Variants in C12orf42 observed in about 807,000 individuals in gnomAD.
C12orf42 encodes the protein chromosome 12 open reading frame 42.
Under a neutral mutation model 21.6 loss-of-function variants are expected in C12orf42, and 25 were observed. The ratio of observed to expected loss-of-function variants is 1.16; its 90% CI spans 0.84 to 1.62. C12orf42 has a LOEUF of 1.62. Ranked by LOEUF, C12orf42 falls within the 40% of genes most tolerant of loss-of-function variation. C12orf42 has a pLI of 0.00. For missense variants in C12orf42, 483 were observed against 459.3 expected (o/e 1.05, Z -0.47); for synonymous variants, 174 against 175.0 (o/e 0.99, Z 0.05).
At chr12:103,374,115 T>C (rs979513677) in intron 3 of C12orf42, among the ~76,000 whole-genome samples, 3 of 152,210 alleles carry the variant, frequency 2.0e-5, no homozygotes, top group Admixed American at 2.0e-4. Flanking sequence ...TTAGTCACTC[T>C]CTTACACTAA....
At chr12:103,254,917 A>G (rs2034483851) in intron 10 of C12orf42, among the ~76,000 whole-genome samples, 1 of 152,222 alleles carries the variant, frequency 6.6e-6, no homozygotes, top group African/African-American at 2.4e-5. Flanking sequence ...CCATAACTTA[A>G]AATAGAAATT....
chr12:103,098,552 T>C, the C12orf42 span, among the ~76,000 whole-genome samples: 5 of 152,340 alleles, frequency 3.3e-5, no homozygotes, highest in South Asian at 1.0e-3. Flanking sequence ...ATCTGGGAAC[T>C]TCTTTGGAAA....
intron 4 of C12orf42, among the ~76,000 whole-genome samples, chr12:103,285,019 T>C (rs2036357513): frequency 6.6e-6 from 1 of 152,212 alleles, no homozygotes; most frequent in Admixed American, 6.5e-5. Flanking sequence ...CTAGGATCAA[T>C]GCTCAAAGCA....
intron 1 of C12orf42, among the ~76,000 whole-genome samples, chr12:103,492,068 C>T (rs1343535678): frequency 1.3e-5 from 2 of 152,104 alleles, no homozygotes; most frequent in Non-Finnish European, 2.9e-5. Context: ...GTGATTCTCA[C>T]GCTTCAGCCT....
intron 2 of C12orf42, among the ~76,000 whole-genome samples, chr12:103,455,305 G>T (rs1007453090): frequency 2.0e-5 from 3 of 152,114 alleles, no homozygotes; most frequent in Admixed American, 2.0e-4. Flanking sequence ...TCTGAGATTT[G>T]TATAAAGTTT....
intron 1 of C12orf42, among the ~76,000 whole-genome samples, chr12:103,481,541 G>C (rs1183114004): frequency 6.6e-6 from 1 of 151,524 alleles, no homozygotes; most frequent in African/African-American, 2.4e-5. Flanking sequence ...TATTTTTGTG[G>C]GCTACAATTT....
At chr12:103,309,045 A>G (rs1412948327) in intron 4 of C12orf42, among the ~76,000 whole-genome samples, 1 of 152,186 alleles carries the variant, frequency 6.6e-6, no homozygotes, top group Non-Finnish European at 1.5e-5. Flanking sequence ...TTAAATTTGG[A>G]TCTCTGGTCT....
intron 2 of C12orf42, 62 bp from the exon 3 acceptor site, chr12:103,401,737 C>T: frequency 6.7e-7 from 1 of 1,493,072 alleles, no homozygotes; most frequent in Non-Finnish European, 9.3e-7. Context: ...GAAACATTTC[C>T]ATTCCTGAGA....
At chr12:103,179,150 C>T in the C12orf42 span, among the ~76,000 whole-genome samples, 1 of 152,196 alleles carries the variant, frequency 6.6e-6, no homozygotes, top group Non-Finnish European at 1.5e-5. Context: ...AAGGGTGTTT[C>T]AGTTTACTTC....
At chr12:103,294,428 G>GAGAGAGAAAGAAAGAA (rs754499754) in intron 4 of C12orf42, among the ~76,000 whole-genome samples, 1 of 96,020 alleles carries the variant, frequency 1.0e-5, no homozygotes, top group Admixed American at 1.2e-4. Flanking sequence ...AAAGGAGAGA[G>GAGAGAGAAAGAAAGAA]AGAAAGAAAG....
the C12orf42 span, among the ~76,000 whole-genome samples, chr12:103,093,091 C>G: frequency 9.2e-5 from 14 of 152,318 alleles, no homozygotes; most frequent in African/African-American, 2.9e-4. Flanking sequence ...CTATCCTATC[C>G]CATGATTCCT....
At chr12:103,383,130 T>C (rs2046324683) in intron 3 of C12orf42, among the ~76,000 whole-genome samples, 1 of 152,220 alleles carries the variant, frequency 6.6e-6, no homozygotes, top group South Asian at 2.1e-4. Context: ...TTCTTTTTTT[T>C]TTTTTCTTTT....
intron 2 of C12orf42, among the ~76,000 whole-genome samples, chr12:103,468,161 T>C (rs968610952): frequency 5.3e-5 from 8 of 152,248 alleles, no homozygotes; most frequent in South Asian, 2.1e-4. Context: ...ATTCAGCCTA[T>C]ACAAATTTGT....
the C12orf42 span, among the ~76,000 whole-genome samples, chr12:103,179,375 C>T: frequency 5.9e-5 from 9 of 152,242 alleles, no homozygotes; most frequent in African/African-American, 2.2e-4. Flanking sequence ...CAGGAATGAC[C>T]TTTCAAGGCA....
chr12:103,243,058 CTG>C (rs2033831627), intron 10 of C12orf42, among the ~76,000 whole-genome samples: 3 of 152,072 alleles, frequency 2.0e-5, no homozygotes. Flanking sequence ...GGGTCTCACT[CTG>C]TTGTTTAGGC....
chr12:103,245,075 G>A lies in C12orf42; in HGVS notation c.*1367-7173C>T, dbSNP rs75502828. On this transcript the variant is annotated intron_variant and NMD_transcript_variant, in intron 10 of 10. Coordinates refer to the C12orf42 transcript ENST00000547347. ...AATGTAATAAATAAACATCTAAAAT[G>A]AATAGAATTGTTTAAGTAATCCCAG... Among the ~76,000 whole-genome samples the A allele has an allele frequency of 8.9e-3, 1,360 of 152,118 alleles. 13 individuals carry two copies. The highest frequency in any genetic ancestry group is 0.03 in the African/African-American group (1,263 of 41,540).
At chr12:103,379,037 C>T (rs190349597) in intron 3 of C12orf42, among the ~76,000 whole-genome samples, 27 of 152,084 alleles carry the variant, frequency 1.8e-4, no homozygotes, top group East Asian at 1.2e-3. Flanking sequence ...TAGGTCTCCA[C>T]CACCCACAGA....
rs1409214650 is a variant in C12orf42 at position 103,261,664 on chromosome 12, CTTAA to C, written c.*1366+1658_*1366+1661del. Among the ~76,000 whole-genome samples, 9 of 151,914 alleles carry C rather than the reference CTTAA, an allele frequency of 5.9e-5. No homozygotes were observed. The East Asian group carries it at 1.7e-3, about 29-fold the overall frequency. On this transcript the variant is annotated intron_variant and NMD_transcript_variant, in intron 10 of 10. Transcript: ENST00000547347. ...AATTACATTTTTAAAAAATATTTAA[CTTAA>C]TTATATATATCTCATTTTATAATTT...
At chr12:103,080,954 GA>G in the C12orf42 span, 41 of 152,286 alleles carry the variant, frequency 2.7e-4, no homozygotes, top group African/African-American at 9.6e-4. Context: ...TTTGAACCCA[GA>G]GAGTCTCACT....
Sources: gnomAD v4.1 joint callset for allele counts (sites outside exome capture counted in the v4.1 genomes callset) on GRCh38, gnomAD v4.1.1 for gene constraint, MANE v1.5 for transcripts, NCBI Gene and HGNC (gene_info 2026-07-23, HGNC 2026-07-21) for gene names.